Variants in AGTPBP1 observed in about 807,000 individuals in gnomAD.
AGTPBP1 encodes the protein ATP/GTP binding carboxypeptidase 1.
AGTPBP1 carries 70 observed loss-of-function variants against 143.9 expected under a neutral mutation model. That is an observed-to-expected ratio of 0.49 (90% CI 0.40 to 0.59). The LOEUF (loss-of-function observed/expected upper bound fraction) is 0.59. Among genes scored for constraint, AGTPBP1 ranks in the 20% least tolerant of loss-of-function variants. AGTPBP1 has a pLI of 0.00. For missense variants in AGTPBP1, 1,229 were observed against 1,464.5 expected (o/e 0.84, Z 2.62); for synonymous variants, 463 against 500.2 (o/e 0.93, Z 0.99).
At chr9:85,667,779 C>A (rs558923453) in intron 8 of AGTPBP1, among the ~76,000 whole-genome samples, 1 of 151,854 alleles carries the variant, frequency 6.6e-6, no homozygotes, top group South Asian at 2.1e-4. Flanking sequence ...TCACTGAAGA[C>A]CTTCAACAAA....
chr9:85,576,269 T>G (rs10115559), intron 24 of AGTPBP1, among the ~76,000 whole-genome samples: 102,942 of 151,970 alleles, frequency 0.68, 36,799 homozygotes, highest in African/African-American at 0.92. Flanking sequence ...TGCACCTATA[T>G]AAGTTGTAGG....
the AGTPBP1 span, among the ~76,000 whole-genome samples, chr9:85,756,562 C>T: frequency 4.7e-5 from 6 of 127,716 alleles, no homozygotes; most frequent in Non-Finnish European, 9.3e-5. Context: ...GATAGATAGA[C>T]AGAGAGATAG....
chr9:85,728,076 C>CACACACACACACACAT (rs1187459225), intron 1 of AGTPBP1, among the ~76,000 whole-genome samples: 1 of 144,110 alleles, frequency 6.9e-6, no homozygotes, highest in Non-Finnish European at 1.5e-5. Context: ...CACACACACA[C>CACACACACACACACAT]ATATTTACTT....
At chr9:85,741,519 C>T (rs954262242) in intron 1 of AGTPBP1, 13 of 985,404 alleles carry the variant, frequency 1.3e-5, no homozygotes, top group Non-Finnish European at 1.6e-5. Flanking sequence ...GGGGATCCAC[C>T]GAGGGTCCGG....
At chr9:85,693,600 C>T (rs994275863) in intron 2 of AGTPBP1, among the ~76,000 whole-genome samples, 17 of 151,926 alleles carry the variant, frequency 1.1e-4, no homozygotes, top group African/African-American at 4.1e-4. Context: ...TTCATCTCAA[C>T]AACAACAAAA....
intron 17 of AGTPBP1, among the ~76,000 whole-genome samples, chr9:85,601,149 G>A (rs750321736): frequency 2.0e-4 from 30 of 152,258 alleles, no homozygotes; most frequent in Non-Finnish European, 3.8e-4. Flanking sequence ...CCAGCCACTC[G>A]CCTACAGCTG....
At chr9:85,797,391 G>A in the AGTPBP1 span, among the ~76,000 whole-genome samples, 110 of 152,250 alleles carry the variant, frequency 7.2e-4, no homozygotes, top group African/African-American at 2.5e-3. Flanking sequence ...TTACAGATGT[G>A]AGCCACCACA....
chr9:85,592,788 G>A, intron 18 of AGTPBP1, 84 bp from the exon 19 acceptor site: 3 of 1,517,128 alleles, frequency 2.0e-6, no homozygotes, highest in Non-Finnish European at 8.9e-7. Flanking sequence ...TAGAACTTCA[G>A]GGAAAAAAGA....
intron 14 of AGTPBP1, among the ~76,000 whole-genome samples, chr9:85,622,368 T>TA (rs1774655514): frequency 1.3e-5 from 2 of 152,160 alleles, no homozygotes. Context: ...TTTTCCATGA[T>TA]AAAAGGATAT....
chr9:85,564,125 G>C (rs1051989932), intron 25 of AGTPBP1, among the ~76,000 whole-genome samples: 2 of 152,236 alleles, frequency 1.3e-5, no homozygotes, highest in African/African-American at 4.8e-5. Context: ...AAAGCCATGG[G>C]GGCAGGACTG....
At chr9:85,619,828 T>C (rs1239070022) in intron 15 of AGTPBP1, among the ~76,000 whole-genome samples, 2 of 152,162 alleles carry the variant, frequency 1.3e-5, no homozygotes, top group African/African-American at 4.8e-5. Context: ...GTTCCCCGAC[T>C]GAATGCAAAC....
chr9:85,579,119 T>C (rs1480600362), intron 23 of AGTPBP1, 23 bp from the exon 24 acceptor site: 1 of 1,563,832 alleles, frequency 6.4e-7, no homozygotes, highest in Non-Finnish European at 8.6e-7. Flanking sequence ...AGAATGATGA[T>C]GATAAAATAA....
the AGTPBP1 span, among the ~76,000 whole-genome samples, chr9:85,802,666 A>G: frequency 1.4e-4 from 22 of 152,352 alleles, no homozygotes; most frequent in African/African-American, 4.6e-4. Context: ...GCAAAATGTT[A>G]TGGCTCCAAC....
chr9:85,688,083 T>TCG (rs1439209078), intron 3 of AGTPBP1, among the ~76,000 whole-genome samples: 2 of 72,394 alleles, frequency 2.8e-5, no homozygotes, highest in African/African-American at 1.2e-4. Flanking sequence ...AGAATGAAAC[T>TCG]CTGTCTCAAA....
At chr9:85,797,259 C>T in the AGTPBP1 span, among the ~76,000 whole-genome samples, 1 of 152,034 alleles carries the variant, frequency 6.6e-6, no homozygotes, top group Non-Finnish European at 1.5e-5. Flanking sequence ...AGATGTGCAC[C>T]AGTACTCCTG....
chr9:85,783,665 A>C, the AGTPBP1 span, among the ~76,000 whole-genome samples: 1 of 151,354 alleles, frequency 6.6e-6, no homozygotes, highest in Non-Finnish European at 1.5e-5. Context: ...ATGGAGTTTC[A>C]CTCTTGTTAC....
intron 8 of AGTPBP1, among the ~76,000 whole-genome samples, chr9:85,663,779 C>A (rs1833975966): frequency 6.6e-6 from 1 of 151,908 alleles, no homozygotes; most frequent in South Asian, 2.1e-4. Flanking sequence ...AGCCATTCTA[C>A]TCCTAGATAT....
the AGTPBP1 span, among the ~76,000 whole-genome samples, chr9:85,749,003 T>C: frequency 6.8e-6 from 1 of 146,872 alleles, no homozygotes; most frequent in Non-Finnish European, 1.5e-5. Context: ...TGCACTTTTT[T>C]TTTTTTTTTT....
At chr9:85,674,875 G>C (rs1274691507) in intron 6 of AGTPBP1, among the ~76,000 whole-genome samples, 23 of 152,046 alleles carry the variant, frequency 1.5e-4, no homozygotes, top group Admixed American at 1.5e-3. Flanking sequence ...AAACTCACAT[G>C]TATGCCACAG....
Sources: gnomAD v4.1 joint callset for allele counts (sites outside exome capture counted in the v4.1 genomes callset) on GRCh38, gnomAD v4.1.1 for gene constraint, MANE v1.5 for transcripts, NCBI Gene and HGNC (gene_info 2026-07-23, HGNC 2026-07-21) for gene names.